The following COPZ2 variants were observed in gnomAD, a reference collection of about 807,000 sequenced individuals.
COPZ2 encodes coat protein complex I subunit zeta 2, also known as coatomer subunit zeta-2.
COPZ2 carries 30 observed loss-of-function variants against 33.2 expected under a neutral mutation model. That is an observed-to-expected ratio of 0.90 (90% CI 0.68 to 1.23). The LOEUF (loss-of-function observed/expected upper bound fraction) is 1.23, where lower values mean the gene tolerates loss of function less well. COPZ2 is among the 50% of genes most tolerant of loss of function. The probability of loss-of-function intolerance (pLI) is 0.00; values close to 1 mark genes in which losing one functional copy is unlikely to be tolerated. For synonymous variants in COPZ2, 89 were observed against 102.6 expected (o/e 0.87, Z 0.80); for missense variants, 263 against 262.4 (o/e 1.00, Z -0.02).
At chr17:48,030,320 A>G (rs1208265177) in intron 6 of COPZ2, among the ~76,000 whole-genome samples, 1 of 151,752 alleles carries the variant, frequency 6.6e-6, no homozygotes, top group African/African-American at 2.4e-5. Context: ...ACACACACAC[A>G]CACACACACA....
upstream of COPZ2, among the ~76,000 whole-genome samples, chr17:48,039,470 C>CAA (rs554792080): frequency 2.5e-3 from 262 of 103,236 alleles, 1 homozygote; most frequent in African/African-American, 7.6e-3. Flanking sequence ...GAATCTGTTT[C>CAA]AAAAAAAAAA....
chr17:48,034,326 G>C (rs1038625058), intron 2 of COPZ2, among the ~76,000 whole-genome samples: 1 of 152,050 alleles, frequency 6.6e-6, no homozygotes, highest in Non-Finnish European at 1.5e-5. Context: ...GGCTGGTCTC[G>C]AACTCCCGAC....
chr17:48,046,117 C>G, the COPZ2 span: 2 of 152,190 alleles, frequency 1.3e-5, no homozygotes, highest in East Asian at 3.8e-4. Flanking sequence ...TTCCCTTTTT[C>G]TGCCCACCTT....
At position 48,037,372 on chromosome 17, in the gene COPZ2, C is replaced by A; in HGVS notation, c.111+295G>T. 1 of 326,742 alleles carries A rather than the reference C, an allele frequency of 3.1e-6. No homozygotes were observed. The highest frequency in any genetic ancestry group is 6.0e-6 in the Non-Finnish European group (1 of 167,708). 20.2% of individuals were successfully genotyped at this position (326,742 alleles called of 1,614,324 possible). On this transcript the variant is annotated intron_variant, in intron 1 of 8. Transcript: ENST00000621465. This position sits in a 1 kb window ranked among gnomAD's most constrained non-coding sequence, Gnocchi z 5.6. Reference sequence around the variant, plus strand: ...CCCATCACCCACCGGTGATGGGAGCCGAGTCTGGGACGGACAGGCCACTCC... The same window carrying A: ...CCCATCACCCACCGGTGATGGGAGCAGAGTCTGGGACGGACAGGCCACTCC...
the COPZ2 span, chr17:48,045,144 G>A: frequency 6.6e-6 from 1 of 152,098 alleles, no homozygotes; most frequent in East Asian, 1.9e-4. Flanking sequence ...TTTTTTTGTA[G>A]AGATGGGTTT....
At chr17:48,046,131 G>A in the COPZ2 span, 119 of 152,314 alleles carry the variant, frequency 7.8e-4, no homozygotes, top group African/African-American at 2.7e-3. Context: ...CCACCTTTGT[G>A]AAATGGCTAA....
Position 48,028,564 on chromosome 17 carries a change from T to C in COPZ2, c.547-54A>G, listed in dbSNP as rs2036848457. On this transcript the variant is annotated intron_variant, in intron 7 of 8. Coordinates refer to ENST00000621465, the MANE Select transcript of COPZ2 (RefSeq NM_016429.4). This position sits in a 1 kb window ranked among gnomAD's most constrained non-coding sequence, Gnocchi z 4.5. ...GTAGGGCCAGCATGAGGGTCCTGGG[T>C]CAGGGAGGTGAAGGAAAGGGGCTTG... 1 of 1,571,236 alleles carries C rather than the reference T, an allele frequency of 6.4e-7. No homozygotes were observed. Among genetic ancestry groups the C allele is most frequent in the African/African-American group, 1.4e-5 (1 of 73,958 alleles).
chr17:48,032,945 T>C, intron 4 of COPZ2: 9 of 597,394 alleles, frequency 1.5e-5, no homozygotes, highest in Non-Finnish European at 2.4e-5. Context: ...ATTGAGTGTA[T>C]CCTTCTCTAG....
intron 2 of COPZ2, among the ~76,000 whole-genome samples, chr17:48,035,109 C>T (rs1208896731): frequency 6.6e-6 from 1 of 152,186 alleles, no homozygotes; most frequent in Non-Finnish European, 1.5e-5. Flanking sequence ...ATCTAAGAAA[C>T]AATTCCTCAC....
At chr17:48,040,828 CTAA>C (rs1212233614), upstream of COPZ2, among the ~76,000 whole-genome samples, 11 of 151,912 alleles carry the variant, frequency 7.2e-5, no homozygotes, top group South Asian at 2.1e-4. Context: ...CAAATTTTAA[CTAA>C]TAATAATTAA....
intron 6 of COPZ2, chr17:48,031,893 C>A: frequency 1.9e-6 from 1 of 519,054 alleles, no homozygotes; most frequent in Non-Finnish European, 3.5e-6. Context: ...TTCCCCAAAC[C>A]CTGCCTATTC....
upstream of COPZ2, among the ~76,000 whole-genome samples, chr17:48,042,742 G>A (rs912713520): frequency 1.3e-5 from 2 of 152,198 alleles, no homozygotes; most frequent in Non-Finnish European, 2.9e-5. Flanking sequence ...GATTATAGGC[G>A]TAAGCCACCG....
In COPZ2 at chr17:48,032,654, T is replaced by G. The variant is rs566919747; in HGVS notation, c.416+32A>C. Reference sequence around the variant, plus strand: ...CTGTGACATATCAGGGCCAGGGGGATGGGGCCTCGGAGGGCAGAGAACCTC... The same window carrying G: ...CTGTGACATATCAGGGCCAGGGGGAGGGGGCCTCGGAGGGCAGAGAACCTC... On this transcript the variant is annotated intron_variant, in intron 5 of 8. Coordinates refer to ENST00000621465, the MANE Select transcript of COPZ2 (RefSeq NM_016429.4). The G allele has an allele frequency of 1.1e-5, 17 of 1,548,796 alleles. No individual in the cohort carries two copies. In the South Asian group the frequency reaches 1.9e-4, roughly 17 times the overall value.
Position 48,032,735 on chromosome 17 carries a change from G to C in COPZ2, c.367C>G (p.Leu123Val). Reference sequence around the variant, plus strand: ...AACAGGCAGGTGAGAACAGACATGAGCATCAGCTGGGATGGGCAGATACGG... The same window carrying C: ...AACAGGCAGGTGAGAACAGACATGACCATCAGCTGGGATGGGCAGATACGG... ...VGSSYENELM[L>V]MSVLTCLFES... The change falls in exon 5 of 9, where the codon CTC becomes GTC. Residue 123 changes from leucine to valine, a missense_variant. Leu to Val is a conservative substitution (Grantham distance 32). Coordinates refer to ENST00000621465, the MANE Select transcript of COPZ2 (RefSeq NM_016429.4). 1 of 1,591,930 alleles carries C rather than the reference G, an allele frequency of 6.3e-7. No homozygotes were observed. Among genetic ancestry groups the C allele is most frequent in the East Asian group, 2.3e-5 (1 of 43,998 alleles).
At chr17:48,043,576 A>C in the COPZ2 span, 1 of 985,218 alleles carries the variant, frequency 1.0e-6, no homozygotes, top group Non-Finnish European at 1.2e-6. Flanking sequence ...TTTCTAGTAG[A>C]CCATTCTAAG....
chr17:48,026,680 C>T (rs1006606479), intron 8 of COPZ2, among the ~76,000 whole-genome samples: 3 of 152,232 alleles, frequency 2.0e-5, no homozygotes, highest in Non-Finnish European at 4.4e-5. Flanking sequence ...AGCCAGCTCC[C>T]ACCTCAGGCC....
chr17:48,034,189 A>G (rs1033146240), intron 2 of COPZ2, among the ~76,000 whole-genome samples: 4 of 151,818 alleles, frequency 2.6e-5, no homozygotes, highest in African/African-American at 9.7e-5. Context: ...GCTCACCACA[A>G]CCTCCACCTC....
rs564567275 is a variant in COPZ2 at position 48,033,216 on chromosome 17, T to C, written c.355A>G (p.Asn119Asp). The change falls in exon 4 of 9, where the codon AAT (asparagine) becomes GAT (aspartate). Residue 119 changes from asparagine to aspartate, a missense_variant. Asn to Asp is a conservative substitution (Grantham distance 23). Transcript: ENST00000621465. ...CCCCAACCTCCTGAATTCACCTCAT[T>C]CTCGTAGGATGAGCCCACCACGTAT... ...FLYVVGSSYE[N>D]ELMLMSVLTC... The C allele has an allele frequency of 3.1e-6, 5 of 1,604,216 alleles. No individual in the cohort carries two copies. The South Asian group carries it at 5.5e-5, about 18-fold the overall frequency.
At chr17:48,042,029 G>A (rs2037067332), upstream of COPZ2, among the ~76,000 whole-genome samples, 1 of 152,148 alleles carries the variant, frequency 6.6e-6, no homozygotes, top group Admixed American at 6.5e-5. Context: ...AGGCACTGGA[G>A]AGGGGCCAAG....
Sources: gnomAD v4.1 joint callset for allele counts (sites outside exome capture counted in the v4.1 genomes callset) on GRCh38, gnomAD v4.1.1 for gene constraint, Gnocchi (gnomAD v3.1) non-coding constraint, MANE v1.5 for transcripts, NCBI Gene and HGNC (gene_info 2026-07-23, HGNC 2026-07-21) for gene names.